The following WWOX variants were observed in gnomAD, a reference collection of about 807,000 sequenced individuals.
WWOX encodes the protein WW domain-containing oxidoreductase.
In WWOX, 69 loss-of-function variants were observed where a neutral mutation model predicts 46.2. That is an observed-to-expected ratio of 1.49 (90% CI 1.23 to 1.82). The LOEUF (loss-of-function observed/expected upper bound fraction) is 1.82, where lower values mean the gene tolerates loss of function less well. Among genes scored for constraint, WWOX ranks in the 40% most tolerant of loss-of-function variants. The pLI is 0.00. For missense variants in WWOX, 919 were observed against 542.6 expected, an observed-to-expected ratio of 1.69 and a Z score of -6.89; for synonymous variants, 359 against 202.6, an observed-to-expected ratio of 1.77 and a Z score of -6.56.
rs373351631 is a variant in WWOX at position 78,339,366 on chromosome 16, G to GAA, written c.517-47480_517-47479dup. On this transcript the variant is annotated intron_variant, in intron 5 of 8. Coordinates refer to ENST00000566780, the MANE Select transcript of WWOX (RefSeq NM_016373.4). ...GTCTAAATCTCAGTTCCTTTTATTAGAAAAAAAAAAAAAAACAACTCCCCT... is the reference window on the plus strand; with the variant it reads ...GTCTAAATCTCAGTTCCTTTTATTAGAAAAAAAAAAAAAAAAACAACTCCCCT... Among the ~76,000 whole-genome samples the GAA allele has an allele frequency of 4.8e-4, 34 of 70,910 alleles. 8 individuals are homozygous for GAA. The highest frequency in any genetic ancestry group is 6.8e-4 in the Admixed American group (5 of 7,388). 46.5% of individuals were successfully genotyped at this position (70,910 alleles called of 152,430 possible).
At chr16:78,663,597 C>T (rs2047265446) in intron 8 of WWOX, among the ~76,000 whole-genome samples, 1 of 152,118 alleles carries the variant, frequency 6.6e-6, no homozygotes, top group African/African-American at 2.4e-5. Flanking sequence ...GGGCAGACTT[C>T]TATTTTCATT....
In WWOX at chr16:78,977,772, C is replaced by T. The variant is rs529477918; in HGVS notation, c.1057-233836C>T. Among the ~76,000 whole-genome samples the T allele has an allele frequency of 3.9e-5, 6 of 152,238 alleles. No homozygotes were observed. In the South Asian group the frequency reaches 1.2e-3, roughly 32 times the overall value. On this transcript the variant is annotated intron_variant, in intron 8 of 8. Transcript: ENST00000566780. ...TCCTGAAGGACCCCCTTCCTAGGAT[C>T]CCAAACATGCACTCCCATCCCAGCC...
chr16:78,225,829 T>G (rs1460493798), intron 5 of WWOX, among the ~76,000 whole-genome samples: 1 of 152,186 alleles, frequency 6.6e-6, no homozygotes, highest in African/African-American at 2.4e-5. Flanking sequence ...TTAGTATTTT[T>G]TCCTTATTTC....
intron 8 of WWOX, among the ~76,000 whole-genome samples, chr16:78,753,042 C>A (rs1005360596): frequency 1.3e-5 from 2 of 152,172 alleles, no homozygotes; most frequent in East Asian, 3.9e-4. Context: ...CGCCTATAAT[C>A]CCAGCACTTT....
chr16:78,793,413 G>C (rs538293145), intron 8 of WWOX, among the ~76,000 whole-genome samples: 12 of 152,212 alleles, frequency 7.9e-5, no homozygotes, highest in African/African-American at 2.9e-4. Flanking sequence ...AGACTATACG[G>C]CTGCTCTCCA....
At chr16:79,057,597 AG>A (rs2048286895) in intron 8 of WWOX, among the ~76,000 whole-genome samples, 2 of 151,970 alleles carry the variant, frequency 1.3e-5, no homozygotes, top group Non-Finnish European at 2.9e-5. Context: ...GGGGGGCACC[AG>A]TGTGAGTCCT....
chr16:78,508,148 A>G (rs1041007297), intron 8 of WWOX, among the ~76,000 whole-genome samples: 1 of 151,824 alleles, frequency 6.6e-6, no homozygotes, highest in Non-Finnish European at 1.5e-5. Flanking sequence ...AGTTGAGATT[A>G]CAGGTGCCCA....
At chr16:78,262,088 A>C (rs1383825235) in intron 5 of WWOX, among the ~76,000 whole-genome samples, 3 of 99,842 alleles carry the variant, frequency 3.0e-5, no homozygotes, top group African/African-American at 1.3e-4. Flanking sequence ...AGAGTGAATG[A>C]AACTCTGTCA....
intron 4 of WWOX, among the ~76,000 whole-genome samples, chr16:78,137,371 G>A (rs376034395): frequency 6.6e-6 from 1 of 152,118 alleles, no homozygotes; most frequent in African/African-American, 2.4e-5. Flanking sequence ...TCACCCCGGA[G>A]TCTCAGTTTC....
At chr16:78,545,785 C>G (rs1219619592) in intron 8 of WWOX, among the ~76,000 whole-genome samples, 1 of 152,130 alleles carries the variant, frequency 6.6e-6, no homozygotes, top group Non-Finnish European at 1.5e-5. Flanking sequence ...TCTGAGGCCT[C>G]TCTCCTTGGC....
intron 8 of WWOX, among the ~76,000 whole-genome samples, chr16:78,452,158 A>G (rs573951256): frequency 1.3e-5 from 2 of 152,334 alleles, no homozygotes; most frequent in African/African-American, 4.8e-5. Flanking sequence ...ATCTCTTAAT[A>G]CCAGGCCAAA....
At chr16:78,523,310 A>T (rs2043388806) in intron 8 of WWOX, among the ~76,000 whole-genome samples, 1 of 152,358 alleles carries the variant, frequency 6.6e-6, no homozygotes, top group East Asian at 1.9e-4. Context: ...GGTAAGGTAG[A>T]CAGCTGTAAA....
chr16:78,326,570 T>TCCCCCCG (rs2080624175), intron 5 of WWOX, among the ~76,000 whole-genome samples: 1 of 10,010 alleles, frequency 1.0e-4, no homozygotes, highest in Non-Finnish European at 2.0e-4. Flanking sequence ...CTGCCTGCCC[T>TCCCCCCG]CCCCCCGCCC....
intron 8 of WWOX, among the ~76,000 whole-genome samples, chr16:78,973,419 C>G (rs922524485): frequency 2.0e-5 from 3 of 152,206 alleles, no homozygotes; most frequent in Non-Finnish European, 2.9e-5. Context: ...GAGAACAGAG[C>G]TACTCAATAA....
At chr16:78,462,937 C>A (rs527630423) in intron 8 of WWOX, among the ~76,000 whole-genome samples, 4 of 152,302 alleles carry the variant, frequency 2.6e-5, no homozygotes, top group African/African-American at 7.2e-5. Flanking sequence ...CTACAGTAAC[C>A]TTTTCCCACC....
At chr16:78,975,445 A>C (rs922539495) in intron 8 of WWOX, among the ~76,000 whole-genome samples, 1 of 149,152 alleles carries the variant, frequency 6.7e-6, no homozygotes, top group African/African-American at 2.5e-5. Context: ...CTTGGCCTAG[A>C]GGGTTCCCCA....
At chr16:78,298,791 CA>C (rs10607151) in intron 5 of WWOX, among the ~76,000 whole-genome samples, 34,407 of 136,528 alleles carry the variant, frequency 0.25, 4,070 homozygotes, top group East Asian at 0.41. Context: ...AACTCTGTCT[CA>C]AAAAAAAAAA....
intron 5 of WWOX, among the ~76,000 whole-genome samples, chr16:78,370,419 T>G (rs561412092): frequency 1.3e-5 from 2 of 152,118 alleles, no homozygotes; most frequent in Non-Finnish European, 2.9e-5. Flanking sequence ...AATATCAAAT[T>G]CAAAATACCG....
chr16:79,013,754 T>A (rs1238917440), intron 8 of WWOX, among the ~76,000 whole-genome samples: 1 of 152,196 alleles, frequency 6.6e-6, no homozygotes. Context: ...GCAGGTTCAT[T>A]TGTTACTTTT....
Sources: allele counts gnomAD v4.1 joint callset (sites outside exome capture counted in the v4.1 genomes callset), GRCh38; gene constraint gnomAD v4.1.1; transcripts MANE v1.5; gene names NCBI Gene and HGNC (gene_info 2026-07-23, HGNC 2026-07-21).